PCDH15: variants seen among roughly 807,000 people sequenced by gnomAD.
PCDH15 encodes protocadherin related 15, also known as protocadherin-15.
Under a neutral mutation model 178.5 loss-of-function variants are expected in PCDH15, and 129 were observed. The ratio of observed to expected loss-of-function variants is 0.72; its 90% CI spans 0.63 to 0.84. The LOEUF is 0.84. Ranked by LOEUF, PCDH15 falls within the 40% of genes least tolerant of loss-of-function variation. The probability of loss-of-function intolerance (pLI) is 0.00; values close to 1 mark genes in which losing one functional copy is unlikely to be tolerated. For missense variants in PCDH15, 2,230 were observed against 2,099.9 expected, an observed-to-expected ratio of 1.06 and a Z score of -1.21; for synonymous variants, 800 against 732.0, an observed-to-expected ratio of 1.09 and a Z score of -1.50.
chr10:53,840,485 C>T lies in PCDH15; in HGVS notation c.3818G>A (p.Arg1273His). 6.2e-7 allele frequency: 1 copy of T among 1,613,644 alleles called. No homozygotes were observed. Among genetic ancestry groups the T allele is most frequent in the African/African-American group, 1.3e-5 (1 of 74,954 alleles). ...KIEDLTEILDRYVQEQIPGAK... is the reference protein window; with the variant it reads ...KIEDLTEILDHYVQEQIPGAK... The stretch of plus-strand genomic sequence containing the variant: ...ACCAGGAATTTGTTCCTGAACATAG[C>T]GATCCAAGATCCTATAAATCAAACA... The change falls in exon 29 of 38, where the codon CGC becomes CAC. Residue 1273 changes from arginine (R) to histidine (H), a missense_variant. Coordinates refer to ENST00000644397, the MANE Select transcript of PCDH15 (RefSeq NM_001384140.1).
At chr10:54,409,628 TAC>T (rs1265208878) in intron 3 of PCDH15, among the ~76,000 whole-genome samples, 2 of 152,174 alleles carry the variant, frequency 1.3e-5, no homozygotes, top group Non-Finnish European at 2.9e-5. Context: ...GCTGTTTTCT[TAC>T]AGTCTTAGCA....
chr10:55,040,737 A>G (rs912324105), intron 2 of PCDH15, among the ~76,000 whole-genome samples: 3 of 152,132 alleles, frequency 2.0e-5, no homozygotes, highest in Admixed American at 6.6e-5. Flanking sequence ...CTTGAGGTAA[A>G]GAAAATGTTT....
intron 1 of PCDH15, among the ~76,000 whole-genome samples, chr10:54,723,667 C>T (rs1942025433): frequency 6.6e-6 from 1 of 151,532 alleles, no homozygotes; most frequent in Non-Finnish European, 1.5e-5. Context: ...GACTAATATC[C>T]AGAATCTACA....
intron 2 of PCDH15, among the ~76,000 whole-genome samples, chr10:55,496,943 T>C (rs1299799918): frequency 6.6e-6 from 1 of 151,896 alleles, no homozygotes; most frequent in Non-Finnish European, 1.5e-5. Context: ...ATTTGTTTTA[T>C]GAGTCTCCAC....
chr10:55,331,742 A>G (rs943453781), intron 2 of PCDH15, among the ~76,000 whole-genome samples: 3 of 152,120 alleles, frequency 2.0e-5, no homozygotes, highest in African/African-American at 7.2e-5. Flanking sequence ...TTTGTGAACA[A>G]GGTAACCTCT....
chr10:55,168,602 G>A (rs926256380), intron 1 of PCDH15, among the ~76,000 whole-genome samples: 20 of 152,076 alleles, frequency 1.3e-4, no homozygotes, highest in African/African-American at 4.8e-4. Context: ...GCTTTGTGTC[G>A]ATTTAGTAAT....
chr10:55,387,943 T>C (rs1429863871), intron 2 of PCDH15, among the ~76,000 whole-genome samples: 2 of 152,058 alleles, frequency 1.3e-5, no homozygotes, highest in South Asian at 2.1e-4. Flanking sequence ...TGCAGCTAAA[T>C]ATGTCTTCTA....
intron 1 of PCDH15, among the ~76,000 whole-genome samples, chr10:54,738,974 T>C (rs1475064182): frequency 6.6e-6 from 1 of 151,952 alleles, no homozygotes; most frequent in East Asian, 1.9e-4. Flanking sequence ...TGGGAAAACA[T>C]TGAAAGCCTT....
At chr10:55,340,212 A>G (rs1411760211) in intron 2 of PCDH15, among the ~76,000 whole-genome samples, 2 of 150,844 alleles carry the variant, frequency 1.3e-5, no homozygotes, top group African/African-American at 4.9e-5. Flanking sequence ...AATTGTATAT[A>G]TATAAAATAC....
chr10:54,916,539 AAAACATTTTTAAAGTTTCTATTTTTT>A (rs374911310), intron 2 of PCDH15, among the ~76,000 whole-genome samples: 38 of 152,314 alleles, frequency 2.5e-4, no homozygotes, highest in African/African-American at 8.2e-4. Context: ...TGTTTAAAAC[AAAACATTTTTAAAGTTTCTATTTTTT>A]AAAGCTGTGT....
At chr10:55,298,727 T>C (rs1416788430) in intron 1 of PCDH15, among the ~76,000 whole-genome samples, 1 of 152,070 alleles carries the variant, frequency 6.6e-6, no homozygotes, top group Non-Finnish European at 1.5e-5. Context: ...ACTACCAGCG[T>C]GTGCCACCAC....
chr10:54,251,813 TTTAA>T (rs1295813747), intron 8 of PCDH15, among the ~76,000 whole-genome samples: 11 of 152,126 alleles, frequency 7.2e-5, no homozygotes, highest in Non-Finnish European at 1.2e-4. Context: ...ATCTCTTCAG[TTTAA>T]TTATTTCATT....
intron 10 of PCDH15, among the ~76,000 whole-genome samples, chr10:54,196,815 G>A (rs567375515): frequency 1.4e-4 from 21 of 152,170 alleles, no homozygotes; most frequent in Middle Eastern, 3.4e-3. Flanking sequence ...CCTTTTCCCC[G>A]CCTCCCACCA....
chr10:53,902,915 G>A (rs2082419846), intron 26 of PCDH15, among the ~76,000 whole-genome samples: 1 of 151,994 alleles, frequency 6.6e-6, no homozygotes, highest in Admixed American at 6.6e-5. Flanking sequence ...TTTGTCATTA[G>A]AGATTTCATT....
chr10:54,219,852 TTA>T (rs2052589645), intron 9 of PCDH15, among the ~76,000 whole-genome samples: 2 of 151,978 alleles, frequency 1.3e-5, no homozygotes, highest in Non-Finnish European at 2.9e-5. Flanking sequence ...AATAGTTATT[TTA>T]TAAGCATAAA....
chr10:55,132,880 T>G, intron 2 of PCDH15, among the ~76,000 whole-genome samples: 1 of 152,314 alleles, frequency 6.6e-6, no homozygotes, highest in African/African-American at 2.4e-5. Flanking sequence ...GGCGAGAAAT[T>G]TAAGGACGCT....
chr10:54,233,135 G>T (rs2134337209), intron 9 of PCDH15, among the ~76,000 whole-genome samples: 1 of 151,648 alleles, frequency 6.6e-6, no homozygotes, highest in South Asian at 2.1e-4. Context: ...GTAGAGACAG[G>T]GTTTCGCCAT....
intron 2 of PCDH15, among the ~76,000 whole-genome samples, chr10:55,507,474 T>G (rs751369571): frequency 6.6e-5 from 10 of 151,774 alleles, no homozygotes; most frequent in Non-Finnish European, 1.3e-4. Context: ...TATTATAATC[T>G]AAGCTATAAA....
Position 53,840,311 on chromosome 10 carries a change from A to C in PCDH15, c.3983+9T>G. 1 of 1,613,510 alleles carries C rather than the reference A, an allele frequency of 6.2e-7. No individual in the cohort carries two copies. The highest frequency in any genetic ancestry group is 8.5e-7 in the Non-Finnish European group (1 of 1,179,396). On this transcript the variant is annotated intron_variant, in intron 29 of 37. Transcript: ENST00000644397. ...CAAAGAGCTGTTACAGATAACAAAA[A>C]GCACTTACTTAAAAAGCTCATTTCT...
Sources: gnomAD v4.1 joint callset for allele counts (sites outside exome capture counted in the v4.1 genomes callset) on GRCh38, gnomAD v4.1.1 for gene constraint, MANE v1.5 for transcripts, NCBI Gene and HGNC (gene_info 2026-07-23, HGNC 2026-07-21) for gene names.